The following ERP44 variants were observed in gnomAD, a reference collection of about 807,000 sequenced individuals.
The protein encoded by ERP44 is endoplasmic reticulum resident protein 44.
ERP44 carries 25 observed loss-of-function variants against 53.4 expected under a neutral mutation model. That is an observed-to-expected ratio of 0.47 (90% confidence interval 0.34 to 0.65). ERP44 has a LOEUF of 0.65. ERP44 is among the 30% of genes least tolerant of loss of function. ERP44 has a pLI of 0.01. For missense variants in ERP44, 338 were observed against 493.2 expected, an observed-to-expected ratio of 0.69 and a Z score of 2.98; for synonymous variants, 145 against 161.2, an observed-to-expected ratio of 0.90 and a Z score of 0.76.
chr9:100,081,524 A>T (rs1826424037), intron 1 of ERP44, among the ~76,000 whole-genome samples: 1 of 147,214 alleles, frequency 6.8e-6, no homozygotes, highest in Admixed American at 6.7e-5. Flanking sequence ...CAGATCAAGT[A>T]AAAAAAAAAC....
intron 4 of ERP44, among the ~76,000 whole-genome samples, chr9:100,045,985 A>G (rs1033180566): frequency 6.6e-6 from 1 of 152,228 alleles, no homozygotes; most frequent in African/African-American, 2.4e-5. Flanking sequence ...GTATTTATAA[A>G]ACTTATTGGA....
intron 1 of ERP44, among the ~76,000 whole-genome samples, chr9:100,095,198 T>A (rs1203263774): frequency 6.6e-6 from 1 of 152,086 alleles, no homozygotes; most frequent in Non-Finnish European, 1.5e-5. Flanking sequence ...TAGGACCACA[T>A]AAATTGAATT....
intron 4 of ERP44, among the ~76,000 whole-genome samples, chr9:100,044,586 G>T (rs957227623): frequency 3.3e-5 from 5 of 152,180 alleles, no homozygotes; most frequent in Middle Eastern, 3.4e-3. Context: ...CCTATTCAAA[G>T]AAAGTTTTTA....
chr9:99,980,013 C>CT lies in ERP44; in HGVS notation c.*2598dup. The CT allele has an allele frequency of 2.5e-6, 1 of 398,542 alleles. No individual in the cohort carries two copies. The highest frequency in any genetic ancestry group is 4.4e-6 in the Non-Finnish European group (1 of 226,014). 24.7% of individuals were successfully genotyped at this position (398,542 alleles called of 1,614,324 possible). On this transcript the variant is annotated 3_prime_UTR_variant, in exon 12 of 12. Transcript: ENST00000262455. ...AACCCCAAATGCCTTACTAAAAGAACTTTTTTCTCTAATGCATTAGGCTGT... is the reference window on the plus strand; with the variant it reads ...AACCCCAAATGCCTTACTAAAAGAACTTTTTTTCTCTAATGCATTAGGCTGT...
chr9:100,051,243 T>C (rs1407768541), intron 4 of ERP44, among the ~76,000 whole-genome samples: 1 of 152,156 alleles, frequency 6.6e-6, no homozygotes, highest in Non-Finnish European at 1.5e-5. Flanking sequence ...CCCAAAATGT[T>C]TGAACAGAAA....
At chr9:99,983,137 C>G (rs1463252461) in intron 11 of ERP44, among the ~76,000 whole-genome samples, 1 of 152,100 alleles carries the variant, frequency 6.6e-6, no homozygotes. Flanking sequence ...ACCAGGATAC[C>G]AGAAATTATT....
chr9:100,005,359 A>G (rs185515139), intron 10 of ERP44, among the ~76,000 whole-genome samples: 11 of 152,288 alleles, frequency 7.2e-5, no homozygotes, highest in Non-Finnish European at 1.2e-4. Context: ...TTGGTTATGA[A>G]TTCTTTGAGG....
intron 10 of ERP44, among the ~76,000 whole-genome samples, chr9:99,995,332 A>G (rs935318306): frequency 6.6e-6 from 1 of 152,208 alleles, no homozygotes; most frequent in African/African-American, 2.4e-5. Flanking sequence ...AATGCCTTTC[A>G]TTTATTTTCT....
At chr9:100,014,498 A>C (rs921722498) in intron 8 of ERP44, among the ~76,000 whole-genome samples, 1 of 152,186 alleles carries the variant, frequency 6.6e-6, no homozygotes, top group African/African-American at 2.4e-5. Flanking sequence ...TTAGTTAGCC[A>C]GGCTGGTCTC....
At chr9:100,069,129 A>C (rs1042840620) in intron 1 of ERP44, among the ~76,000 whole-genome samples, 17 of 151,876 alleles carry the variant, frequency 1.1e-4, no homozygotes, top group Non-Finnish European at 2.2e-4. Flanking sequence ...CCCTAATCTC[A>C]TGTACCCAGG....
At chr9:99,990,272 A>T (rs1830239632) in intron 10 of ERP44, among the ~76,000 whole-genome samples, 1 of 152,252 alleles carries the variant, frequency 6.6e-6, no homozygotes, top group South Asian at 2.1e-4. Flanking sequence ...GAGAAAGGTC[A>T]GGTTACCCAC....
At chr9:100,061,509 T>TGTATATATTTATAGAAAC (rs1280606714) in intron 1 of ERP44, among the ~76,000 whole-genome samples, 2 of 144,610 alleles carry the variant, frequency 1.4e-5, no homozygotes, top group East Asian at 2.0e-4. Flanking sequence ...TTTATAGAAA[T>TGTATATATTTATAGAAAC]GTATATATTT....
At chr9:99,983,327 T>C (rs546654159) in intron 11 of ERP44, among the ~76,000 whole-genome samples, 3 of 151,798 alleles carry the variant, frequency 2.0e-5, no homozygotes, top group Non-Finnish European at 4.4e-5. Flanking sequence ...GGGTGGATCA[T>C]GAGGTCAGGA....
At chr9:100,083,233 T>C (rs770931073) in intron 1 of ERP44, among the ~76,000 whole-genome samples, 1 of 152,038 alleles carries the variant, frequency 6.6e-6, no homozygotes, top group Non-Finnish European at 1.5e-5. Context: ...TTATTTGTAA[T>C]AGCAAAAGAT....
intron 1 of ERP44, among the ~76,000 whole-genome samples, chr9:100,086,052 T>C (rs563957036): frequency 3.3e-5 from 5 of 152,362 alleles, no homozygotes; most frequent in Admixed American, 6.5e-5. Flanking sequence ...TCATTTTCCA[T>C]ATACCTAGTC....
intron 4 of ERP44, among the ~76,000 whole-genome samples, chr9:100,031,616 G>A (rs567997609): frequency 6.6e-6 from 1 of 152,248 alleles, no homozygotes; most frequent in African/African-American, 2.4e-5. Context: ...CTTTGGTAAA[G>A]TTCAAAACCC....
chr9:100,084,056 A>T (rs1188744627), intron 1 of ERP44, among the ~76,000 whole-genome samples: 1 of 152,188 alleles, frequency 6.6e-6, no homozygotes, highest in Non-Finnish European at 1.5e-5. Flanking sequence ...ATAGCCTAAC[A>T]GGGAAGAATG....
intron 4 of ERP44, among the ~76,000 whole-genome samples, chr9:100,050,134 T>C (rs1311176079): frequency 6.6e-6 from 1 of 150,952 alleles, no homozygotes; most frequent in Non-Finnish European, 1.5e-5. Flanking sequence ...TGATGGAAAG[T>C]AGATGGTCCT....
chr9:100,059,460 A>T (rs971745076), intron 2 of ERP44, among the ~76,000 whole-genome samples: 3 of 152,178 alleles, frequency 2.0e-5, no homozygotes, highest in African/African-American at 7.2e-5. Flanking sequence ...CCAAGATGAG[A>T]GGACTGCTTG....
Sources: allele counts gnomAD v4.1 joint callset (sites outside exome capture counted in the v4.1 genomes callset), GRCh38; gene constraint gnomAD v4.1.1; transcripts MANE v1.5; gene names NCBI Gene and HGNC (gene_info 2026-07-23, HGNC 2026-07-21).